TMTC2: variants seen among roughly 807,000 people sequenced by gnomAD.
TMTC2 encodes the protein protein O-mannosyl-transferase TMTC2.
In TMTC2, 43 loss-of-function variants were observed where a neutral mutation model predicts 82.4. The ratio of observed to expected loss-of-function variants is 0.52; its 90% CI spans 0.41 to 0.67. TMTC2 has a LOEUF of 0.67. TMTC2 is among the 30% of genes least tolerant of loss of function. The probability of loss-of-function intolerance (pLI) is 0.00; values close to 1 mark genes in which losing one functional copy is unlikely to be tolerated. For synonymous variants in TMTC2, 408 were observed against 381.9 expected, an observed-to-expected ratio of 1.07 and a Z score of -0.80; for missense variants, 919 against 1,012.4, an observed-to-expected ratio of 0.91 and a Z score of 1.25.
intron 11 of TMTC2, among the ~76,000 whole-genome samples, chr12:83,074,122 G>T (rs1195028524): frequency 2.0e-5 from 3 of 152,130 alleles, no homozygotes; most frequent in Non-Finnish European, 4.4e-5. Flanking sequence ...GACAGGGAAT[G>T]CCTAGAGCTG....
At position 83,070,438 on chromosome 12, in the gene TMTC2, T is replaced by A. The variant is rs181998700; in HGVS notation, c.2331+8607T>A. 1.0e-3 allele frequency among the ~76,000 whole-genome samples: 159 copies of A among 152,174 alleles called. 2 individuals carry two copies. The highest frequency in any genetic ancestry group is 3.3e-3 in the African/African-American group (139 of 41,542). On this transcript the variant is annotated intron_variant, in intron 11 of 11. Transcript: ENST00000321196. ...ATGTATTCCTAAGTATTTTATTATT[T>A]TTTTTTTTGCAGCTATTGTAAAAGG...
At chr12:82,966,431 A>G (rs1414610344) in intron 6 of TMTC2, among the ~76,000 whole-genome samples, 1 of 152,060 alleles carries the variant, frequency 6.6e-6, no homozygotes, top group Non-Finnish European at 1.5e-5. Context: ...TATGCAATGT[A>G]TTAAAACTAT....
intron 1 of TMTC2, among the ~76,000 whole-genome samples, chr12:82,846,613 A>G (rs1486922200): frequency 6.6e-6 from 1 of 152,014 alleles, no homozygotes; most frequent in South Asian, 2.1e-4. Context: ...TTATCGGAAA[A>G]ACTCGTAAAG....
At chr12:82,751,532 T>TATA (rs1241822946) in intron 1 of TMTC2, among the ~76,000 whole-genome samples, 4 of 151,860 alleles carry the variant, frequency 2.6e-5, no homozygotes, top group Non-Finnish European at 4.4e-5. Flanking sequence ...AAACTTAAAG[T>TATA]ATAATAATAA....
chr12:82,937,119 C>T (rs1253372026), intron 4 of TMTC2, among the ~76,000 whole-genome samples: 1 of 152,092 alleles, frequency 6.6e-6, no homozygotes, highest in Admixed American at 6.5e-5. Flanking sequence ...AGGGTTGACT[C>T]CTGTATTTGT....
At chr12:83,004,944 G>T (rs12824406) in intron 8 of TMTC2, among the ~76,000 whole-genome samples, 115,049 of 150,170 alleles carry the variant, frequency 0.77, 45,592 homozygotes, top group South Asian at 0.93. Context: ...TTGAGGTCAG[G>T]ACTTCGTGAC....
chr12:82,997,816 A>G (rs1048873126), intron 8 of TMTC2, among the ~76,000 whole-genome samples: 1 of 152,082 alleles, frequency 6.6e-6, no homozygotes, highest in Non-Finnish European at 1.5e-5. Flanking sequence ...GTGAGGAAAG[A>G]TACATACTAT....
At chr12:82,832,176 C>T (rs970801610) in intron 1 of TMTC2, among the ~76,000 whole-genome samples, 2 of 152,006 alleles carry the variant, frequency 1.3e-5, no homozygotes, top group African/African-American at 4.8e-5. Context: ...CTAGGTTTCT[C>T]TGATTATTTT....
At chr12:83,065,388 C>T (rs1314586136) in intron 11 of TMTC2, among the ~76,000 whole-genome samples, 1 of 151,746 alleles carries the variant, frequency 6.6e-6, no homozygotes, top group African/African-American at 2.4e-5. Flanking sequence ...AATTAACAGG[C>T]ACAAAATAAG....
intron 11 of TMTC2, among the ~76,000 whole-genome samples, chr12:83,111,827 ACT>A (rs1369620848): frequency 6.6e-6 from 1 of 152,066 alleles, no homozygotes; most frequent in Non-Finnish European, 1.5e-5. Context: ...GATGAGACAT[ACT>A]CTGTTTTATT....
In TMTC2 at chr12:83,079,861, A is replaced by G. The variant is rs115454035; in HGVS notation, c.2331+18030A>G. On this transcript the variant is annotated intron_variant, in intron 11 of 11. Transcript: ENST00000321196. ...GATTATTTAGAATTTATAATTTCTT[A>G]CCTATATTGAGTTACCATTCTGTAC... is the stretch of plus-strand genomic sequence containing the variant. Among the ~76,000 whole-genome samples, 316 of 152,264 alleles carry G rather than the reference A, an allele frequency of 2.1e-3. 1 individual carries two copies. The highest frequency in any genetic ancestry group is 7.3e-3 in the African/African-American group (305 of 41,580).
intron 3 of TMTC2, among the ~76,000 whole-genome samples, chr12:82,898,602 CT>C (rs1234036401): frequency 6.6e-6 from 1 of 152,164 alleles, no homozygotes; most frequent in Non-Finnish European, 1.5e-5. Context: ...AGCTATTTCT[CT>C]TTTATTCCCT....
intron 1 of TMTC2, among the ~76,000 whole-genome samples, chr12:82,842,673 C>T (rs1870405579): frequency 6.6e-6 from 1 of 152,172 alleles, no homozygotes; most frequent in African/African-American, 2.4e-5. Flanking sequence ...TATGTTCTCA[C>T]AGTTCTAGAC....
At chr12:83,030,090 G>A (rs899207033) in intron 8 of TMTC2, among the ~76,000 whole-genome samples, 1 of 152,008 alleles carries the variant, frequency 6.6e-6, no homozygotes, top group Admixed American at 6.6e-5. Flanking sequence ...TTCATTACAG[G>A]CCTGTAAATA....
At chr12:82,702,701 A>G (rs574725200) in intron 1 of TMTC2, among the ~76,000 whole-genome samples, 3 of 152,344 alleles carry the variant, frequency 2.0e-5, no homozygotes, top group South Asian at 4.1e-4. Context: ...CTAAGAGGGC[A>G]GGATTGCTTA....
intron 3 of TMTC2, among the ~76,000 whole-genome samples, chr12:82,900,785 A>AAT (rs1166053456): frequency 7.6e-6 from 1 of 131,780 alleles, no homozygotes; most frequent in Admixed American, 8.2e-5. Flanking sequence ...TATATATAGG[A>AAT]ATATATATAC....
At chr12:82,798,561 T>A (rs569038264) in intron 1 of TMTC2, among the ~76,000 whole-genome samples, 15 of 150,222 alleles carry the variant, frequency 1.0e-4, no homozygotes, top group Admixed American at 2.0e-4. Context: ...ATCCCAGCGC[T>A]TTGGGAGGCC....
chr12:83,081,111 G>A (rs578062338), intron 11 of TMTC2, among the ~76,000 whole-genome samples: 2 of 152,244 alleles, frequency 1.3e-5, no homozygotes, highest in African/African-American at 4.8e-5. Context: ...ATTTTATCAA[G>A]ATTATAAGTC....
chr12:83,108,154 T>C (rs1400401196), intron 11 of TMTC2, among the ~76,000 whole-genome samples: 2 of 152,194 alleles, frequency 1.3e-5, no homozygotes, highest in Non-Finnish European at 2.9e-5. Context: ...CTGTTCTTTA[T>C]AAATCGCCCA....
Sources: gnomAD v4.1 joint callset for allele counts (sites outside exome capture counted in the v4.1 genomes callset) on GRCh38, gnomAD v4.1.1 for gene constraint, MANE v1.5 for transcripts, NCBI Gene and HGNC (gene_info 2026-07-23, HGNC 2026-07-21) for gene names.